Variants in ZNF484 observed in about 807,000 individuals in gnomAD.
The protein encoded by ZNF484 is KRAB box containing C2H2 type zinc finger bA526D8.4.
In ZNF484, 11 loss-of-function variants were observed where a neutral mutation model predicts 12.9. The ratio of observed to expected loss-of-function variants is 0.85; its 90% CI spans 0.54 to 1.41. ZNF484 has a LOEUF of 1.41. Ranked by LOEUF, ZNF484 falls within the 40% of genes most tolerant of loss-of-function variation. The probability of loss-of-function intolerance (pLI) is 0.00; values close to 1 mark genes in which losing one functional copy is unlikely to be tolerated. For synonymous variants in ZNF484, 289 were observed against 334.1 expected (o/e 0.86, Z 1.47); for missense variants, 807 against 1,007.7 (o/e 0.80, Z 2.70).
rs1188385574 is a variant in ZNF484, at chr9:92,844,690, T to C, written c.*1538A>G. Among the ~76,000 whole-genome samples the C allele has an allele frequency of 6.6e-6, 1 of 152,188 alleles. No individual in the cohort carries two copies. The highest frequency in any genetic ancestry group is 2.4e-5 in the African/African-American group (1 of 41,454). ...AAACAACTTTCAACTTAGAATTCTA[T>C]ATTCAGTAAAAGTATCCTTCAAAAA... On this transcript the variant is annotated 3_prime_UTR_variant, in exon 5 of 5. Transcript: ENST00000375495.
chr9:92,845,469 C>T lies in ZNF484; in HGVS notation c.*759G>A, dbSNP rs1358379634. On this transcript the variant is annotated 3_prime_UTR_variant, in exon 5 of 5. Coordinates refer to ENST00000375495, the MANE Select transcript of ZNF484 (RefSeq NM_031486.4). This position sits in a 1 kb window ranked among gnomAD's most constrained non-coding sequence, Gnocchi z 4.0. Reference sequence around the variant, plus strand: ...TCATGGTAATCTAGCAAGTAACGAACATGTAGAGAATGTACTAACAAAATT... The same window carrying T: ...TCATGGTAATCTAGCAAGTAACGAATATGTAGAGAATGTACTAACAAAATT... 6.6e-6 allele frequency: 1 copy of T among 152,126 alleles called. No individual in the cohort carries two copies. Among genetic ancestry groups the T allele is most frequent in the Non-Finnish European group, 1.5e-5 (1 of 68,004 alleles). 9.4% of individuals were successfully genotyped at this position (152,126 alleles called of 1,614,324 possible).
At chr9:92,855,258 G>A (rs1224698635) in intron 4 of ZNF484, among the ~76,000 whole-genome samples, 1 of 152,134 alleles carries the variant, frequency 6.6e-6, no homozygotes, top group Non-Finnish European at 1.5e-5. Context: ...CAAGTAGGAA[G>A]AAAATGTCAA....
At chr9:92,860,367 C>G (rs1359853187) in intron 2 of ZNF484, among the ~76,000 whole-genome samples, 1 of 152,046 alleles carries the variant, frequency 6.6e-6, no homozygotes, top group Non-Finnish European at 1.5e-5. Context: ...CTTTGGGAGG[C>G]CGAGGCAGGT....
In ZNF484 at chr9:92,869,435, T is replaced by C. The variant is rs1022519408; in HGVS notation, c.15+5580A>G. 2.0e-5 allele frequency among the ~76,000 whole-genome samples: 3 copies of C among 152,096 alleles called. No individual in the cohort carries two copies. In the South Asian group the frequency reaches 6.2e-4, roughly 32 times the overall value. On this transcript the variant is annotated intron_variant, in intron 2 of 4. Coordinates refer to ENST00000375495, the MANE Select transcript of ZNF484 (RefSeq NM_031486.4). Reference sequence around the variant, plus strand: ...TTTACCCCAAATTATGATATACCCATATTAGGCTGGGCGCAGTGGCTCACG... The same window carrying C: ...TTTACCCCAAATTATGATATACCCACATTAGGCTGGGCGCAGTGGCTCACG...
chr9:92,862,173 A>G (rs1856819101), intron 2 of ZNF484: 2 of 968,180 alleles, frequency 2.1e-6, no homozygotes, highest in African/African-American at 3.5e-5. Context: ...AGTCTGAAAA[A>G]AAAAATAAAA....
At position 92,856,188 on chromosome 9, in the gene ZNF484, T is replaced by G. The variant is rs1368724965; in HGVS notation, c.142+4A>C. The G allele has an allele frequency of 6.2e-7, 1 of 1,613,594 alleles. No individual in the cohort carries two copies. Among genetic ancestry groups the G allele is most frequent in the East Asian group, 2.2e-5 (1 of 44,842 alleles). Reference sequence around the variant, plus strand: ...TACTCTATACCCAGCAGAGCCGTGCTTACCCACTGAGATCAAGTTGAAATA... The same window carrying G: ...TACTCTATACCCAGCAGAGCCGTGCGTACCCACTGAGATCAAGTTGAAATA... On this transcript the variant is annotated splice_donor_region_variant and intron_variant, in intron 3 of 4. Transcript: ENST00000375495.
chr9:92,855,971 CA>C (rs907953003), intron 3 of ZNF484, 68 bp from the exon 4 acceptor site: 3 of 1,548,616 alleles, frequency 1.9e-6, no homozygotes, highest in Admixed American at 1.8e-5. Context: ...ATTTTTTTCC[CA>C]AAAAAGTTCA....
intron 2 of ZNF484, among the ~76,000 whole-genome samples, chr9:92,864,350 G>A (rs1856945124): frequency 6.6e-6 from 1 of 152,078 alleles, no homozygotes; most frequent in Non-Finnish European, 1.5e-5. Flanking sequence ...GGCCTGGAAC[G>A]CTGACTCAGT....
chr9:92,852,131 C>T (rs1353892244), intron 4 of ZNF484, among the ~76,000 whole-genome samples: 1 of 152,288 alleles, frequency 6.6e-6, no homozygotes, highest in Non-Finnish European at 1.5e-5. Flanking sequence ...TCTACAGAAA[C>T]TTTGCATTTT....
chr9:92,875,627 C>G (rs764407991), intron 1 of ZNF484, among the ~76,000 whole-genome samples: 1 of 152,204 alleles, frequency 6.6e-6, no homozygotes, highest in African/African-American at 2.4e-5. Context: ...TGACTGGCCT[C>G]TATGCCTGTA....
At chr9:92,858,636 T>C (rs1037669928) in intron 2 of ZNF484, among the ~76,000 whole-genome samples, 1 of 152,138 alleles carries the variant, frequency 6.6e-6, no homozygotes, top group African/African-American at 2.4e-5. Flanking sequence ...TGGGAGGCAG[T>C]AAATAGAATT....
chr9:92,872,953 G>T (rs1304621754), intron 2 of ZNF484, among the ~76,000 whole-genome samples: 2 of 151,968 alleles, frequency 1.3e-5, no homozygotes, highest in East Asian at 3.9e-4. Flanking sequence ...TTTTGGATCA[G>T]GCAAAAATAT....
chr9:92,847,167 C>G lies in ZNF484; in HGVS notation c.1620G>C (p.Arg540Ser). The G allele has an allele frequency of 6.2e-7, 1 of 1,613,822 alleles. No homozygotes were observed. Among genetic ancestry groups the G allele is most frequent in the Non-Finnish European group, 8.5e-7 (1 of 1,179,936 alleles). ...CTCCAGTATGACACTTCTGATGTAT[C>G]CTGAGCCGAGACTTCCAGGTGAATG... The part of the protein sequence containing the change: ...GKSFTWKSRL[R>S]IHQKCHTGER... The change falls in exon 5 of 5, where the codon AGG becomes AGC. Residue 540 changes from arginine to serine, a missense_variant. Transcript: ENST00000375495.
In ZNF484 at chr9:92,846,727, G is replaced by C; in HGVS notation, c.2060C>G (p.Thr687Ser). Reference sequence around the variant, plus strand: ...ACTGCACTCATAATGCCTTTCTCCAGTATGGGATTGCTGATGTATATGGAG... The same window carrying C: ...ACTGCACTCATAATGCCTTTCTCCACTATGGGATTGCTGATGTATATGGAG... ...SGLHIHQQSH[T>S]GERHYECSEC... Residue 687 changes from threonine to serine, a missense_variant, in exon 5 of 5, where the codon ACT (threonine) becomes AGT (serine). Physicochemically the swap from Thr to Ser is moderately conservative, Grantham distance 58 (BLOSUM62 1). Coordinates refer to ENST00000375495, the MANE Select transcript of ZNF484 (RefSeq NM_031486.4). The C allele has an allele frequency of 6.2e-7, 1 of 1,614,026 alleles. No individual in the cohort carries two copies. The highest frequency in any genetic ancestry group is 1.1e-5 in the South Asian group (1 of 91,084).
At position 92,846,912 on chromosome 9, in the gene ZNF484, T is replaced by C; in HGVS notation, c.1875A>G (p.Val625=). The C allele has an allele frequency of 6.2e-7, 1 of 1,613,806 alleles. No homozygotes were observed. Among genetic ancestry groups the C allele is most frequent in the Non-Finnish European group, 8.5e-7 (1 of 1,179,948 alleles). The change falls in exon 5 of 5, where the codon GTA becomes GTG. Residue 625 remains valine (V), a synonymous_variant. Transcript: ENST00000375495. The stretch of plus-strand genomic sequence containing the variant: ...TCTCTCCTGTGTGAATCTGCTGATG[T>C]ACGTGGAGCTGTGATTTCTTAGTGA... ...KSFTKKSQLH[V]HQQIHTGEKP...
At chr9:92,859,941 T>G (rs1006060304) in intron 2 of ZNF484, among the ~76,000 whole-genome samples, 1 of 152,152 alleles carries the variant, frequency 6.6e-6, no homozygotes, top group African/African-American at 2.4e-5. Context: ...CTCCCAGCAA[T>G]GATGTGTGAT....
intron 4 of ZNF484, among the ~76,000 whole-genome samples, chr9:92,853,156 T>C (rs1007436249): frequency 1.3e-5 from 2 of 152,158 alleles, no homozygotes; most frequent in African/African-American, 4.8e-5. Context: ...AAAGAAAGAA[T>C]GGGATTATCA....
intron 2 of ZNF484, among the ~76,000 whole-genome samples, chr9:92,863,817 A>G (rs879598476): frequency 1.3e-5 from 2 of 152,214 alleles, no homozygotes; most frequent in African/African-American, 2.4e-5. Context: ...GCAGAGGCCT[A>G]GAGTGGAGAT....
At chr9:92,875,843 GA>G (rs1857768823) in intron 1 of ZNF484, among the ~76,000 whole-genome samples, 2 of 132,756 alleles carry the variant, frequency 1.5e-5, no homozygotes. Context: ...TTTATAAATA[GA>G]AAACACTTCT....
Sources: allele counts gnomAD v4.1 joint callset (sites outside exome capture counted in the v4.1 genomes callset), GRCh38; gene constraint gnomAD v4.1.1; non-coding constraint Gnocchi (gnomAD v3.1); transcripts MANE v1.5; gene names NCBI Gene and HGNC (gene_info 2026-07-23, HGNC 2026-07-21).